Variants in BRCC3 observed in about 807,000 individuals in gnomAD.
BRCC3 encodes BRCA1/BRCA2-containing complex subunit 3, also known as lys-63-specific deubiquitinase BRCC36.
A neutral mutation model predicts 28.0 loss-of-function variants in BRCC3; 15 were observed. That is an observed-to-expected ratio of 0.54 (90% CI 0.36 to 0.82). The LOEUF (loss-of-function observed/expected upper bound fraction) is 0.82, where lower values mean the gene tolerates loss of function less well. Ranked by LOEUF, BRCC3 falls within the 40% of genes least tolerant of loss-of-function variation. The pLI is 0.01. For missense variants in BRCC3, 109 were observed against 225.9 expected, an observed-to-expected ratio of 0.48 and a Z score of 3.32; for synonymous variants, 66 against 80.3, an observed-to-expected ratio of 0.82 and a Z score of 0.95.
chrX:155,092,104 A>G (rs1557295744), intron 7 of BRCC3, among the ~76,000 whole-genome samples: 1 of 111,557 alleles, frequency 9.0e-6, no homozygotes, highest in African/African-American at 3.3e-5. Context: ...TCTAAATAAT[A>G]TACTTATGAT....
At chrX:155,076,400 C>CA (rs1172312353) in intron 3 of BRCC3, among the ~76,000 whole-genome samples, 2 of 104,689 alleles carry the variant, frequency 1.9e-5, no homozygotes, top group African/African-American at 3.7e-5. Flanking sequence ...AACAAAAAAA[C>CA]AAAAAAACAA....
At position 155,116,106 on chromosome X, in the gene BRCC3, G is replaced by A. The variant is rs782158282; in HGVS notation, c.598G>A (p.Gly200Arg). Reference sequence around the variant, plus strand: ...CCATATTGTACCTCATGTCACTATCGGGAAAGTGTGCCTTGAATCAGCAGT... The same window carrying A: ...CCATATTGTACCTCATGTCACTATCAGGAAAGTGTGCCTTGAATCAGCAGT... ...PIHIVPHVTI[G>R]KVCLESAVEL... The change falls in exon 8 of 11, where the codon GGG (glycine) becomes AGG (arginine). Residue 200 changes from glycine (G) to arginine (R), a missense_variant. Around this residue, in one of 3 missense-constraint regions of BRCC3, gnomAD observed 50 missense variants for 115.2 expected, o/e 0.43. Transcript: ENST00000330045. 5 of 1,205,842 alleles carry A rather than the reference G, an allele frequency of 4.1e-6. No individual in the cohort carries two copies. The highest frequency in any genetic ancestry group is 3.5e-5 in the African/African-American group (2 of 56,927).
chrX:155,110,822 G>A (rs1557298044), intron 7 of BRCC3, among the ~76,000 whole-genome samples: 1 of 110,873 alleles, frequency 9.0e-6, no homozygotes, highest in Non-Finnish European at 1.9e-5. Flanking sequence ...ATATACTCTG[G>A]AAAGAATGCC....
chrX:155,100,848 T>C (rs2074242393), intron 7 of BRCC3, among the ~76,000 whole-genome samples: 1 of 111,691 alleles, frequency 9.0e-6, no homozygotes, highest in African/African-American at 3.3e-5. Flanking sequence ...AGGGTGAACA[T>C]GTACAGACTT....
chrX:155,109,790 C>T (rs1295379233), intron 7 of BRCC3, among the ~76,000 whole-genome samples: 5 of 111,582 alleles, frequency 4.5e-5, no homozygotes, highest in African/African-American at 1.6e-4. Flanking sequence ...CCTTATTATA[C>T]TGTCTCAGTC....
chrX:155,100,031 C>T (rs782787922), intron 7 of BRCC3, among the ~76,000 whole-genome samples: 2 of 111,323 alleles, frequency 1.8e-5, no homozygotes, highest in African/African-American at 3.3e-5. Context: ...TTTAATATTC[C>T]GTTTTGAAAT....
At chrX:155,088,475 TC>T (rs781971306) in intron 5 of BRCC3, among the ~76,000 whole-genome samples, 51 of 107,229 alleles carry the variant, frequency 4.8e-4, no homozygotes, top group South Asian at 1.7e-3. Flanking sequence ...AGCCTCAGCC[TC>T]CCAAGTAGCT....
At chrX:155,074,406 T>C (rs1182896206) in intron 3 of BRCC3, among the ~76,000 whole-genome samples, 6 of 111,996 alleles carry the variant, frequency 5.4e-5, no homozygotes, top group African/African-American at 1.9e-4. Context: ...CTACCTTCGG[T>C]GGATTATTTC....
intron 5 of BRCC3, among the ~76,000 whole-genome samples, chrX:155,088,671 T>G (rs1446761703): frequency 2.7e-5 from 3 of 111,620 alleles, no homozygotes; most frequent in Admixed American, 9.5e-5. Flanking sequence ...CATTTAATAT[T>G]TTAATCCTTT....
chrX:155,110,246 T>C (rs1557297977), intron 7 of BRCC3, among the ~76,000 whole-genome samples: 1 of 111,706 alleles, frequency 9.0e-6, no homozygotes, highest in Admixed American at 9.5e-5. Flanking sequence ...AATGTTCCCA[T>C]ATCTCGATTT....
chrX:155,091,765 A>G (rs891067109), intron 7 of BRCC3, among the ~76,000 whole-genome samples: 7 of 110,236 alleles, frequency 6.4e-5, no homozygotes, highest in African/African-American at 2.3e-4. Flanking sequence ...ATTATAATAC[A>G]TTCATATAAT....
At chrX:155,073,892 C>G (rs2074008303) in intron 3 of BRCC3, among the ~76,000 whole-genome samples, 1 of 111,797 alleles carries the variant, frequency 8.9e-6, no homozygotes, top group South Asian at 3.7e-4. Flanking sequence ...ATGCTCTAGC[C>G]TTGATGGTCT....
At chrX:155,118,635 G>A (rs1557299092) in intron 9 of BRCC3, among the ~76,000 whole-genome samples, 1 of 112,425 alleles carries the variant, frequency 8.9e-6, no homozygotes, top group Non-Finnish European at 1.9e-5. Context: ...GCTTCAGGCT[G>A]CTTCCACTTG....
intron 9 of BRCC3, among the ~76,000 whole-genome samples, chrX:155,117,513 G>T (rs1294693898): frequency 9.0e-6 from 1 of 111,067 alleles, no homozygotes; most frequent in Non-Finnish European, 1.9e-5. Flanking sequence ...AGTGTTATAG[G>T]CGGTTACTTT....
intron 9 of BRCC3, among the ~76,000 whole-genome samples, chrX:155,117,569 C>T (rs1391758924): frequency 3.6e-5 from 4 of 110,962 alleles, no homozygotes; most frequent in Non-Finnish European, 7.5e-5. Flanking sequence ...CCCATAATTT[C>T]GGTCTCAGGA....
chrX:155,082,980 G>T (rs1171886154), intron 5 of BRCC3, among the ~76,000 whole-genome samples: 2 of 111,874 alleles, frequency 1.8e-5, no homozygotes, highest in Non-Finnish European at 3.8e-5. Flanking sequence ...TCTGCTATTT[G>T]CTTATGACTA....
intron 7 of BRCC3, among the ~76,000 whole-genome samples, chrX:155,100,518 T>G (rs1469992647): frequency 1.8e-5 from 2 of 112,511 alleles, no homozygotes; most frequent in Non-Finnish European, 3.8e-5. Flanking sequence ...AGGGCAGTTA[T>G]TTTGGAAAAT....
intron 5 of BRCC3, 128 bp downstream of exon 5, chrX:155,078,831 A>G (rs970874658): frequency 2.3e-6 from 1 of 425,840 alleles, no homozygotes; most frequent in East Asian, 4.0e-5. Context: ...CATTATTTTG[A>G]TTTATTTTAT....
intron 3 of BRCC3, among the ~76,000 whole-genome samples, chrX:155,074,954 T>C (rs1291615427): frequency 2.7e-5 from 3 of 112,323 alleles, no homozygotes; most frequent in Admixed American, 1.9e-4. Context: ...AGAAATATCA[T>C]GTGAGCCACG....
Sources: allele counts gnomAD v4.1 joint callset (sites outside exome capture counted in the v4.1 genomes callset), GRCh38; gene constraint gnomAD v4.1.1; regional missense constraint gnomAD v4.1.1; transcripts MANE v1.5; gene names NCBI Gene and HGNC (gene_info 2026-07-23, HGNC 2026-07-21).